Variants in DLGAP2 observed in about 807,000 individuals in gnomAD.
DLGAP2 encodes the protein DLG associated protein 2, also known as disks large-associated protein 2.
Under a neutral mutation model 100.3 loss-of-function variants are expected in DLGAP2, and 26 were observed. That is an observed-to-expected ratio of 0.26 (90% CI 0.19 to 0.36). DLGAP2 has a LOEUF of 0.36. DLGAP2 is among the 10% of genes least tolerant of loss of function. The pLI, the probability that DLGAP2 is intolerant of heterozygous loss-of-function variation, is 1.00. For synonymous variants in DLGAP2, 886 were observed against 630.1 expected, an observed-to-expected ratio of 1.41 and a Z score of -6.08; for missense variants, 1,858 against 1,453.2, an observed-to-expected ratio of 1.28 and a Z score of -4.53.
chr8:1,052,149 G>C (rs1046150611), intron 2 of DLGAP2, among the ~76,000 whole-genome samples: 1 of 152,150 alleles, frequency 6.6e-6, no homozygotes, highest in East Asian at 1.9e-4. Flanking sequence ...GAACTCCCGT[G>C]TCATGAGGTG....
At chr8:1,283,981 G>A (rs754043683) in intron 3 of DLGAP2, among the ~76,000 whole-genome samples, 5 of 152,188 alleles carry the variant, frequency 3.3e-5, no homozygotes, top group East Asian at 3.8e-4. Flanking sequence ...CATTCACGAC[G>A]GAGTTCTAGA....
At chr8:980,513 AC>A (rs1197060905) in intron 2 of DLGAP2, among the ~76,000 whole-genome samples, 2 of 152,154 alleles carry the variant, frequency 1.3e-5, no homozygotes, top group Non-Finnish European at 2.9e-5. Context: ...GGGATTGGGA[AC>A]TGTGACCTTG....
At chr8:1,173,676 C>G (rs1389405021) in intron 2 of DLGAP2, among the ~76,000 whole-genome samples, 1 of 152,206 alleles carries the variant, frequency 6.6e-6, no homozygotes, top group Non-Finnish European at 1.5e-5. Flanking sequence ...GCGTAGGACC[C>G]TCTGAGCCAG....
intron 2 of DLGAP2, among the ~76,000 whole-genome samples, chr8:1,172,570 G>A (rs1486983954): frequency 6.6e-6 from 1 of 152,136 alleles, no homozygotes. Flanking sequence ...TTTCTTGGAG[G>A]CTTTGTTCGT....
chr8:1,686,889 A>G (rs1321210062), intron 12 of DLGAP2, among the ~76,000 whole-genome samples: 1 of 152,252 alleles, frequency 6.6e-6, no homozygotes, highest in Admixed American at 6.5e-5. Flanking sequence ...TTCCCAACAC[A>G]CACACATAAA....
intron 6 of DLGAP2, among the ~76,000 whole-genome samples, chr8:1,568,745 G>A (rs1802524658): frequency 8.1e-6 from 1 of 123,920 alleles, no homozygotes; most frequent in Non-Finnish European, 1.7e-5. Context: ...CTCTGCCCGT[G>A]GCCCCCATGC....
chr8:848,302 G>A (rs1162872783), intron 1 of DLGAP2, among the ~76,000 whole-genome samples: 6 of 151,760 alleles, frequency 4.0e-5, no homozygotes, highest in South Asian at 2.1e-4. Context: ...AGAAACGTGC[G>A]GTGCCTGTTC....
chr8:837,202 C>T (rs1796895313), intron 1 of DLGAP2, among the ~76,000 whole-genome samples: 1 of 152,170 alleles, frequency 6.6e-6, no homozygotes, highest in South Asian at 2.1e-4. Context: ...CGGGATCTCG[C>T]GGGCCGTGTG....
intron 2 of DLGAP2, among the ~76,000 whole-genome samples, chr8:1,189,654 AC>A (rs1378170587): frequency 6.6e-6 from 1 of 152,226 alleles, no homozygotes; most frequent in Non-Finnish European, 1.5e-5. Context: ...ATGCCTGGAA[AC>A]GGGATGGATC....
rs1258153042 is a variant in DLGAP2 at position 1,701,226 on chromosome 8, T to C, written c.2988T>C (p.Pro996=). 1 of 1,575,864 alleles carries C rather than the reference T, an allele frequency of 6.3e-7. No homozygotes were observed. Among genetic ancestry groups the C allele is most frequent in the South Asian group, 1.2e-5 (1 of 85,750 alleles). The change falls in exon 15 of 15, where the codon CCT becomes CCC. Residue 996 remains proline, a synonymous_variant. Coordinates refer to ENST00000637795, the MANE Select transcript of DLGAP2 (RefSeq NM_001346810.2). ...TCCCGCCTCCAATACCAAAGAAGCC[T>C]CCCAAGGGGAAGTTTCCCATCACAA... The part of the protein sequence containing the change: ...RKVPPPIPKK[P]PKGKFPITRE...
intron 2 of DLGAP2, among the ~76,000 whole-genome samples, chr8:924,077 C>T (rs1489954075): frequency 1.3e-5 from 2 of 152,168 alleles, no homozygotes; most frequent in Non-Finnish European, 2.9e-5. Flanking sequence ...AGATAGGAGC[C>T]TATAAACATG....
intron 3 of DLGAP2, among the ~76,000 whole-genome samples, chr8:1,326,573 C>T (rs745387996): frequency 2.0e-5 from 3 of 151,660 alleles, no homozygotes; most frequent in Admixed American, 6.6e-5. Flanking sequence ...GGTCTCAGTC[C>T]GGGCTTGTCA....
intron 3 of DLGAP2, among the ~76,000 whole-genome samples, chr8:1,315,104 A>T (rs2117022743): frequency 6.6e-6 from 1 of 152,376 alleles, no homozygotes; most frequent in Admixed American, 6.5e-5. Context: ...GACACCATAG[A>T]ACCGTATTTA....
intron 12 of DLGAP2, among the ~76,000 whole-genome samples, chr8:1,685,875 A>G (rs1449538438): frequency 6.6e-6 from 1 of 152,212 alleles, no homozygotes; most frequent in Non-Finnish European, 1.5e-5. Flanking sequence ...CCACGATGAG[A>G]TGTCACCTCA....
chr8:1,581,326 C>T (rs968455308), intron 6 of DLGAP2, among the ~76,000 whole-genome samples: 1 of 150,636 alleles, frequency 6.6e-6, no homozygotes, highest in Admixed American at 6.6e-5. Flanking sequence ...GTCAAACTAC[C>T]AGAAGAGAAG....
chr8:884,269 C>T (rs554603624), intron 1 of DLGAP2, among the ~76,000 whole-genome samples: 1 of 152,262 alleles, frequency 6.6e-6, no homozygotes, highest in South Asian at 2.1e-4. Flanking sequence ...AGTGTAAAAG[C>T]CTTCCTGTTT....
intron 3 of DLGAP2, among the ~76,000 whole-genome samples, chr8:1,476,461 G>A (rs958315132): frequency 3.3e-5 from 5 of 152,050 alleles, no homozygotes; most frequent in African/African-American, 9.7e-5. Flanking sequence ...TTTATAGTTC[G>A]GCTGAGCGCA....
intron 2 of DLGAP2, among the ~76,000 whole-genome samples, chr8:962,529 T>A (rs1302978906): frequency 2.0e-5 from 3 of 152,120 alleles, no homozygotes; most frequent in African/African-American, 7.2e-5. Context: ...CTCCTGGGGC[T>A]GCTCACATGG....
intron 6 of DLGAP2, among the ~76,000 whole-genome samples, chr8:1,569,773 T>C (rs1802576797): frequency 6.6e-6 from 1 of 152,224 alleles, no homozygotes; most frequent in Non-Finnish European, 1.5e-5. Context: ...CCAAGCCCCG[T>C]GGCCTTCAGC....
Sources: allele counts gnomAD v4.1 joint callset (sites outside exome capture counted in the v4.1 genomes callset), GRCh38; gene constraint gnomAD v4.1.1; transcripts MANE v1.5; gene names NCBI Gene and HGNC (gene_info 2026-07-23, HGNC 2026-07-21).